The following MANSC4 variants were observed in gnomAD, a reference collection of about 807,000 sequenced individuals.
The protein encoded by MANSC4 is MANSC domain containing 4.
MANSC4 carries 11 observed loss-of-function variants against 11.4 expected under a neutral mutation model. The observed-to-expected ratio is 0.97, with a 90% CI of 0.61 to 1.60. The LOEUF (loss-of-function observed/expected upper bound fraction) is 1.60. MANSC4 is among the 40% of genes most tolerant of loss of function. The probability of loss-of-function intolerance (pLI) is 0.00; values close to 1 mark genes in which losing one functional copy is unlikely to be tolerated. For missense variants in MANSC4, 354 were observed against 404.6 expected (o/e 0.88, Z 1.07); for synonymous variants, 123 against 147.1 (o/e 0.84, Z 1.19).
chr12:27,767,696 T>C (rs2062079327), intron 2 of MANSC4, among the ~76,000 whole-genome samples: 1 of 151,748 alleles, frequency 6.6e-6, no homozygotes, highest in South Asian at 2.1e-4. Flanking sequence ...AAACTCCGTC[T>C]CAACAACAAC....
intron 2 of MANSC4, 46 bp from the exon 3 acceptor site, chr12:27,766,845 G>C (rs1246395751): frequency 6.5e-7 from 1 of 1,537,720 alleles, no homozygotes; most frequent in African/African-American, 1.4e-5. Context: ...GTCTCAATTT[G>C]CACCAATTTC....
intron 1 of MANSC4, among the ~76,000 whole-genome samples, chr12:27,772,514 T>C (rs1335446612): frequency 6.6e-6 from 1 of 152,196 alleles, no homozygotes; most frequent in Non-Finnish European, 1.5e-5. Flanking sequence ...ATGATAATAA[T>C]TGATAATGAA....
At chr12:27,774,110 T>C (rs1189022628) in intron 1 of MANSC4, among the ~76,000 whole-genome samples, 1 of 151,792 alleles carries the variant, frequency 6.6e-6, no homozygotes, top group Non-Finnish European at 1.5e-5. Flanking sequence ...ATTGCACCAC[T>C]GCACCCCAGC....
intron 1 of MANSC4, among the ~76,000 whole-genome samples, chr12:27,776,804 C>T (rs981219572): frequency 1.3e-5 from 2 of 152,088 alleles, no homozygotes; most frequent in Non-Finnish European, 1.5e-5. Context: ...TTGACCATTA[C>T]GCTTCTGTAA....
chr12:27,768,784 C>A (rs964898582), intron 2 of MANSC4, among the ~76,000 whole-genome samples: 4 of 152,034 alleles, frequency 2.6e-5, no homozygotes, highest in South Asian at 2.1e-4. Flanking sequence ...GTGTGCACTA[C>A]CATGCCTGGT....
In MANSC4 at chr12:27,776,598, C is replaced by T. The variant is rs1317178885; in HGVS notation, c.-307+3612G>A. On this transcript the variant is annotated intron_variant, in intron 1 of 3. Coordinates refer to ENST00000381273, the MANE Select transcript of MANSC4 (RefSeq NM_001146221.5). ...TGTAAGAATTAACCGGGCATAGTGGCGCAGGCCTGTATTCTCAGCTACTTG... is the reference window on the plus strand; with the variant it reads ...TGTAAGAATTAACCGGGCATAGTGGTGCAGGCCTGTATTCTCAGCTACTTG... Among the ~76,000 whole-genome samples the T allele has an allele frequency of 2.6e-5, 4 of 151,944 alleles. No homozygotes were observed. In the East Asian group the frequency reaches 5.8e-4, roughly 22 times the overall value.
intron 1 of MANSC4, among the ~76,000 whole-genome samples, chr12:27,773,495 A>C (rs573246402): frequency 2.0e-5 from 3 of 152,160 alleles, no homozygotes; most frequent in Admixed American, 6.5e-5. Context: ...GTTATCAAAT[A>C]CCCAGAACCA....
intron 3 of MANSC4, 29 bp from the exon 4 acceptor site, chr12:27,763,425 TTA>T (rs1285056697): frequency 6.6e-7 from 1 of 1,503,782 alleles, no homozygotes; most frequent in South Asian, 1.3e-5. Flanking sequence ...ATCATTCATT[TTA>T]TTTTTACTTT....
intron 1 of MANSC4, among the ~76,000 whole-genome samples, chr12:27,774,955 C>T (rs1433603046): frequency 4.0e-5 from 6 of 151,802 alleles, no homozygotes; most frequent in Admixed American, 1.3e-4. Context: ...ACCTGGGAGG[C>T]GGAGCTTGCA....
At chr12:27,774,935 A>G (rs1254297971) in intron 1 of MANSC4, among the ~76,000 whole-genome samples, 1 of 152,076 alleles carries the variant, frequency 6.6e-6, no homozygotes, top group African/African-American at 2.4e-5. Context: ...GAGGCAGGAG[A>G]ATGGAGTGAA....
chr12:27,762,744 A>G lies in MANSC4; in HGVS notation c.1017T>C (p.Ser339=). 5 of 1,521,136 alleles carry G rather than the reference A, an allele frequency of 3.3e-6. No homozygotes were observed. In the South Asian group the frequency reaches 5.1e-5, roughly 15 times the overall value. 94.2% of individuals were successfully genotyped at this position (1,521,136 alleles called of 1,614,324 possible). The change falls in exon 4 of 4, where the codon TCT becomes TCC. Residue 339 remains serine, a synonymous_variant. Coordinates refer to ENST00000381273, the MANE Select transcript of MANSC4 (RefSeq NM_001146221.5). ...IKNRNHMKEN[S]S is the part of the protein sequence containing the mutation. ...AATCTTGCTACAGTTTTTACTATGA[A>G]GAGTTCTCCTTCATATGGTTACGGT...
chr12:27,766,871 C>T (rs547496045), intron 2 of MANSC4, 72 bp from the exon 3 acceptor site: 1 of 1,479,670 alleles, frequency 6.8e-7, no homozygotes, highest in Non-Finnish European at 9.1e-7. Flanking sequence ...CTCTGAGTAA[C>T]TTAGATTTGT....
At chr12:27,770,220 G>A (rs2062094524) in intron 2 of MANSC4, among the ~76,000 whole-genome samples, 1 of 152,168 alleles carries the variant, frequency 6.6e-6, no homozygotes, top group South Asian at 2.1e-4. Context: ...TCACTCTGTT[G>A]CCCAGGCTTG....
intron 1 of MANSC4, among the ~76,000 whole-genome samples, chr12:27,778,576 A>C (rs931815550): frequency 1.4e-5 from 2 of 147,036 alleles, no homozygotes; most frequent in East Asian, 2.0e-4. Context: ...AAAAAAAAAA[A>C]CCAAACACAT....
chr12:27,776,534 A>G (rs1243144705), intron 1 of MANSC4, among the ~76,000 whole-genome samples: 1 of 152,164 alleles, frequency 6.6e-6, no homozygotes, highest in Non-Finnish European at 1.5e-5. Context: ...GTTCAAGACC[A>G]GCCTGGGCAA....
intron 1 of MANSC4, among the ~76,000 whole-genome samples, chr12:27,776,380 A>AT (rs372912490): frequency 3.6e-4 from 54 of 151,834 alleles, no homozygotes; most frequent in African/African-American, 1.2e-3. Context: ...TTGTACTAAG[A>AT]TTTTTTTTTC....
intron 3 of MANSC4, among the ~76,000 whole-genome samples, chr12:27,765,503 TG>T (rs1173091662): frequency 1.3e-5 from 2 of 152,214 alleles, no homozygotes; most frequent in African/African-American, 2.4e-5. Context: ...CAGATCTGTT[TG>T]CTTACTCTCC....
chr12:27,763,161 C>T lies in MANSC4; in HGVS notation c.600G>A (p.Trp200Ter), dbSNP rs2062055620. 2 of 1,551,412 alleles carry T rather than the reference C, an allele frequency of 1.3e-6. No homozygotes were observed. Among genetic ancestry groups the T allele is most frequent in the African/African-American group, 2.7e-5 (2 of 72,990 alleles). ...ACTCATTCAGGGAAGTAAATCTTGC[C>T]CAAAAATCTGTGGTTAATTCCTTAG... The part of the protein sequence containing the change: ...SYSKELTTDF[W>*]ARFTSLNESI... The change falls in exon 4 of 4, where the codon TGG becomes TGA. Residue 200 changes from tryptophan to a stop codon, truncating the protein, a stop_gained. Coordinates refer to ENST00000381273, the MANE Select transcript of MANSC4 (RefSeq NM_001146221.5). LOFTEE classifies it low-confidence loss of function (END_TRUNC).
chr12:27,778,239 A>AAAAAC, intron 1 of MANSC4, among the ~76,000 whole-genome samples: 1 of 150,708 alleles, frequency 6.6e-6, no homozygotes, highest in African/African-American at 2.5e-5. Context: ...AAAAAAAAAA[A>AAAAAC]ATGCATTTTT....
Sources: allele counts gnomAD v4.1 joint callset (sites outside exome capture counted in the v4.1 genomes callset), GRCh38; gene constraint gnomAD v4.1.1; transcripts MANE v1.5; gene names NCBI Gene and HGNC (gene_info 2026-07-23, HGNC 2026-07-21).